The following UGT1A9 variants were observed in gnomAD, a reference collection of about 807,000 sequenced individuals.
The protein encoded by UGT1A9 is UDP-glucuronosyltransferase 1A9.
In UGT1A9, 35 loss-of-function variants were observed where a neutral mutation model predicts 45.0. The ratio of observed to expected loss-of-function variants is 0.78; its 90% CI spans 0.59 to 1.03. UGT1A9 has a LOEUF of 1.03. UGT1A9 is among the 50% of genes least tolerant of loss of function. The pLI is 0.00. For synonymous variants in UGT1A9, 278 were observed against 250.6 expected (o/e 1.11, Z -1.03); for missense variants, 687 against 666.6 (o/e 1.03, Z -0.34).
rs551912265 is a variant in UGT1A9 at position 233,725,264 on chromosome 2, G to GGAGGCAGAGGCAGAGGCA, written c.856-41734_856-41717dup. On this transcript the variant is annotated intron_variant, in intron 1 of 4. Transcript: ENST00000354728. The stretch of plus-strand genomic sequence containing the variant: ...CAGAGGCAGAGGAGGCAGAGGCAGA[G>GGAGGCAGAGGCAGAGGCA]GAGGCAGAGGCAGAGGCAGAGGCAG... Among the ~76,000 whole-genome samples, 12 of 58,548 alleles carry GGAGGCAGAGGCAGAGGCA rather than the reference G, an allele frequency of 2.0e-4. 2 individuals are homozygous for GGAGGCAGAGGCAGAGGCA. The highest frequency in any genetic ancestry group is 1.1e-3 in the Admixed American group (7 of 6,532). 38.4% of individuals were successfully genotyped at this position (58,548 alleles called of 152,430 possible). A position where few individuals can be genotyped will look rare whatever the true frequency, so the allele number is the denominator to read the frequency against.
chr2:233,700,818 C>A (rs1217450259), intron 1 of UGT1A9, among the ~76,000 whole-genome samples: 1 of 151,898 alleles, frequency 6.6e-6, no homozygotes, highest in Non-Finnish European at 1.5e-5. Flanking sequence ...GTGTGCTGCA[C>A]CCATTAACTC....
chr2:233,696,120 A>T (rs1261804081), intron 1 of UGT1A9, among the ~76,000 whole-genome samples: 1 of 152,186 alleles, frequency 6.6e-6, no homozygotes, highest in Non-Finnish European at 1.5e-5. Context: ...AAAGAACTAG[A>T]ACTGCCCCAA....
At chr2:233,724,256 C>T (rs2077196929) in intron 1 of UGT1A9, among the ~76,000 whole-genome samples, 1 of 131,772 alleles carries the variant, frequency 7.6e-6, no homozygotes, top group African/African-American at 2.9e-5. Flanking sequence ...CGCCCCTCAC[C>T]TCCCGGACGG....
chr2:233,695,904 T>G (rs1053532133), intron 1 of UGT1A9, among the ~76,000 whole-genome samples: 3 of 152,084 alleles, frequency 2.0e-5, no homozygotes, highest in Non-Finnish European at 4.4e-5. Context: ...TGTGTGGGGT[T>G]TTTTTTCTCC....
rs1022638248 is a variant in UGT1A9, at chr2:233,725,056, G to A, written c.856-41978G>A. On this transcript the variant is annotated intron_variant, in intron 1 of 4. Coordinates refer to ENST00000354728, the MANE Select transcript of UGT1A9 (RefSeq NM_021027.3). ...ACCAAAACCAGTCAGGCGTGGCGGC[G>A]CGCGCCTGCAATCGCAGGCACTCGG... Among the ~76,000 whole-genome samples the A allele has an allele frequency of 2.3e-4, 34 of 147,566 alleles. 1 individual carries two copies. Among genetic ancestry groups the A allele is most frequent in the African/African-American group, 3.0e-4 (12 of 39,600 alleles).
At chr2:233,734,939 T>C (rs1485596557) in intron 1 of UGT1A9, among the ~76,000 whole-genome samples, 1 of 152,222 alleles carries the variant, frequency 6.6e-6, no homozygotes, top group Non-Finnish European at 1.5e-5. Flanking sequence ...TACAATCATA[T>C]GGTCAGTTTT....
intron 1 of UGT1A9, chr2:233,747,790 A>G (rs1394158635): frequency 2.0e-5 from 32 of 1,613,372 alleles, no homozygotes; most frequent in Non-Finnish European, 2.6e-5. Flanking sequence ...CCTTCCTCCT[A>G]TATTCCTAAG....
At chr2:233,703,382 A>C (rs1384920463) in intron 1 of UGT1A9, among the ~76,000 whole-genome samples, 1 of 151,458 alleles carries the variant, frequency 6.6e-6, no homozygotes, top group African/African-American at 2.4e-5. Flanking sequence ...TTTTGTCTAT[A>C]TTTTCAAATA....
chr2:233,756,378 T>C (rs367582243), intron 1 of UGT1A9: 2 of 152,250 alleles, frequency 1.3e-5, no homozygotes, highest in South Asian at 2.1e-4. Flanking sequence ...GCTATGTAAA[T>C]AGTTGTTTTA....
In UGT1A9 at chr2:233,729,401, A is replaced by G. The variant is rs1464724125; in HGVS notation, c.856-37633A>G. ...TGGACCCAGGATGAATTTGATCGCCATGTGCTGGGCCACACTCAACTGTAC... is the reference window on the plus strand; with the variant it reads ...TGGACCCAGGATGAATTTGATCGCCGTGTGCTGGGCCACACTCAACTGTAC... On this transcript the variant is annotated intron_variant, in intron 1 of 4. Coordinates refer to ENST00000354728, the MANE Select transcript of UGT1A9 (RefSeq NM_021027.3). 1.2e-6 allele frequency: 2 copies of G among 1,613,850 alleles called. No homozygotes were observed. The highest frequency in any genetic ancestry group is 3.3e-5 in the Admixed American group (2 of 60,024).
rs1270909103 is a variant in UGT1A9, at chr2:233,767,175, T to G, written c.987+10T>G. On this transcript the variant is annotated intron_variant, in intron 2 of 4. Transcript: ENST00000354728. Reference sequence around the variant, plus strand: ...CAAAATCCCTCAGACAGTAAGAAGATTCTATACCATGGCCTCATATCTATT... The same window carrying G: ...CAAAATCCCTCAGACAGTAAGAAGAGTCTATACCATGGCCTCATATCTATT... The G allele has an allele frequency of 1.4e-5, 22 of 1,613,924 alleles. No individual in the cohort carries two copies. The highest frequency in any genetic ancestry group is 1.9e-5 in the Non-Finnish European group (22 of 1,180,010).
Position 233,684,228 on chromosome 2 carries a change from G to A in UGT1A9, c.855+11439G>A, listed in dbSNP as rs533677309. ...AACTCATGGGAAAATGCAACCAAGC[G>A]CTTTCTAAAAATCAGGGAGACTACA... On this transcript the variant is annotated intron_variant, in intron 1 of 4. Transcript: ENST00000354728. Among the ~76,000 whole-genome samples, 112 of 152,240 alleles carry A rather than the reference G, an allele frequency of 7.4e-4. 1 individual carries two copies. Among genetic ancestry groups the A allele is most frequent in the African/African-American group, 2.4e-3 (98 of 41,540 alleles).
At chr2:233,693,856 C>G (rs1229039578) in intron 1 of UGT1A9, 10 of 1,614,076 alleles carry the variant, frequency 6.2e-6, no homozygotes, top group African/African-American at 1.3e-5. Context: ...AGAGGAAAGA[C>G]TTGTCTCAGG....
rs1699915243 is a variant in UGT1A9, at chr2:233,769,658, C to T, written c.1295+1219C>T. On this transcript the variant is annotated intron_variant, in intron 4 of 4. Coordinates refer to ENST00000354728, the MANE Select transcript of UGT1A9 (RefSeq NM_021027.3). The surrounding 1 kb of genome is among the most constrained non-coding windows in gnomAD (Gnocchi z 4.4). ...GGAGGACTGATGACTGACTTCCCAC[C>T]TTTGAGGTGCTAATGTGTGTGTGGT... 2 of 1,600,404 alleles carry T rather than the reference C, an allele frequency of 1.2e-6. No individual in the cohort carries two copies. The highest frequency in any genetic ancestry group is 2.7e-5 in the African/African-American group (2 of 74,670).
At chr2:233,719,560 A>C (rs1443276179) in intron 1 of UGT1A9, 1 of 1,613,812 alleles carries the variant, frequency 6.2e-7, no homozygotes, top group Admixed American at 1.7e-5. Context: ...TCAGTGGTGG[A>C]TCTTGTCAGC....
chr2:233,726,889 C>T (rs1279562155), intron 1 of UGT1A9, among the ~76,000 whole-genome samples: 1 of 152,192 alleles, frequency 6.6e-6, no homozygotes, highest in Non-Finnish European at 1.5e-5. Context: ...GAGCTATCAG[C>T]TTACCATTCA....
At chr2:233,763,131 T>C (rs1039292285) in intron 1 of UGT1A9, among the ~76,000 whole-genome samples, 1 of 152,268 alleles carries the variant, frequency 6.6e-6, no homozygotes, top group African/African-American at 2.4e-5. Flanking sequence ...CTGGCATTTA[T>C]TGATATAACC....
intron 1 of UGT1A9, among the ~76,000 whole-genome samples, chr2:233,723,730 C>G (rs1044734705): frequency 1.3e-5 from 1 of 79,384 alleles, no homozygotes; most frequent in Non-Finnish European, 2.2e-5. Flanking sequence ...TTGGTGATGA[C>G]TCTTAACGAG....
chr2:233,683,632 T>G (rs1032548922), intron 1 of UGT1A9, among the ~76,000 whole-genome samples: 5 of 152,178 alleles, frequency 3.3e-5, no homozygotes, highest in Admixed American at 1.3e-4. Flanking sequence ...TTTCCATAAA[T>G]AAAATTTTGC....
Sources: allele counts gnomAD v4.1 joint callset (sites outside exome capture counted in the v4.1 genomes callset), GRCh38; gene constraint gnomAD v4.1.1; non-coding constraint Gnocchi (gnomAD v3.1); transcripts MANE v1.5; gene names NCBI Gene and HGNC (gene_info 2026-07-23, HGNC 2026-07-21).